The following SRC variants were observed in gnomAD, a reference collection of about 807,000 sequenced individuals.
SRC encodes the protein SRC proto-oncogene, non-receptor tyrosine kinase.
A neutral mutation model predicts 62.9 loss-of-function variants in SRC; 13 were observed. That is an observed-to-expected ratio of 0.21 (90% CI 0.13 to 0.33). SRC has a LOEUF of 0.33. Ranked by LOEUF, SRC falls within the 10% of genes least tolerant of loss-of-function variation. SRC has a pLI of 1.00. For missense variants in SRC, 457 were observed against 737.3 expected (o/e 0.62, Z 4.40); for synonymous variants, 302 against 317.5 (o/e 0.95, Z 0.52).
chr20:37,382,135 C>T (rs780575237), intron 2 of SRC, among the ~76,000 whole-genome samples: 5 of 152,176 alleles, frequency 3.3e-5, no homozygotes, highest in South Asian at 4.1e-4. Context: ...AATTCTGGAC[C>T]GATTCCCAGG....
chr20:37,373,265 TACGC>T (rs1174334042), intron 2 of SRC, among the ~76,000 whole-genome samples: 36 of 95,040 alleles, frequency 3.8e-4, no homozygotes, highest in Middle Eastern at 0.011. Context: ...CACATGTACA[TACGC>T]ACACACACAC....
intron 2 of SRC, among the ~76,000 whole-genome samples, chr20:37,379,614 C>G (rs1481473682): frequency 6.6e-6 from 1 of 151,922 alleles, no homozygotes; most frequent in Non-Finnish European, 1.5e-5. Flanking sequence ...ATCCCAGCTA[C>G]TCAGGAGGCT....
intron 10 of SRC, among the ~76,000 whole-genome samples, chr20:37,401,317 G>A (rs1205497796): frequency 1.3e-5 from 2 of 152,084 alleles, no homozygotes; most frequent in African/African-American, 4.8e-5. Context: ...ATGCATCCTT[G>A]TTGCATCTCC....
rs968442415 is a variant in SRC, at chr20:37,384,799, C to T, written c.250+396C>T. ...GCGGCGGAGGGGCAGCTGGGTCGCT[C>T]GGGGAACGGGGCACCGGATGGCCCC... On this transcript the variant is annotated intron_variant, in intron 4 of 13. Coordinates refer to ENST00000373578, the MANE Select transcript of SRC (RefSeq NM_198291.3). The surrounding 1 kb of genome is among the most constrained non-coding windows in gnomAD (Gnocchi z 6.7). 6.6e-6 allele frequency among the ~76,000 whole-genome samples: 1 copy of T among 152,162 alleles called. No individual in the cohort carries two copies. The highest frequency in any genetic ancestry group is 2.4e-5 in the African/African-American group (1 of 41,450).
chr20:37,393,428 AGAG>A (rs2070585909), intron 5 of SRC, among the ~76,000 whole-genome samples: 1 of 152,224 alleles, frequency 6.6e-6, no homozygotes, highest in Non-Finnish European at 1.5e-5. Flanking sequence ...TCCAAATCTC[AGAG>A]CATGGGGACA....
At chr20:37,391,158 C>T (rs1162697082) in intron 5 of SRC, among the ~76,000 whole-genome samples, 1 of 152,228 alleles carries the variant, frequency 6.6e-6, no homozygotes, top group East Asian at 1.9e-4. Context: ...GGCCGGCCAG[C>T]CTGCGGACTG....
At chr20:37,394,919 T>C (rs2070617370) in intron 7 of SRC, among the ~76,000 whole-genome samples, 2 of 152,046 alleles carry the variant, frequency 1.3e-5, no homozygotes, top group African/African-American at 4.8e-5. Flanking sequence ...TCTGGGCGTG[T>C]GTGTGTGTGC....
chr20:37,385,072 T>A (rs1324014336), intron 4 of SRC, among the ~76,000 whole-genome samples: 3 of 151,958 alleles, frequency 2.0e-5, no homozygotes, highest in Non-Finnish European at 4.4e-5. Flanking sequence ...CGCAGACACA[T>A]CCCCAACGCA....
At position 37,358,215 on chromosome 20, in the gene SRC, C is replaced by T. The variant is rs914805604; in HGVS notation, c.-246-6989C>T. On this transcript the variant is annotated intron_variant, in intron 1 of 13. Coordinates refer to ENST00000373578, the MANE Select transcript of SRC (RefSeq NM_198291.3). ...AAGTGCCGAACTGATGTCCTGCATACGCCATGTGTTCAGTAGTTAGTAAGG... is the reference window on the plus strand; with the variant it reads ...AAGTGCCGAACTGATGTCCTGCATATGCCATGTGTTCAGTAGTTAGTAAGG... Among the ~76,000 whole-genome samples, 6 of 152,178 alleles carry T rather than the reference C, an allele frequency of 3.9e-5. 1 individual carries two copies. The highest frequency in any genetic ancestry group is 3.3e-4 in the Admixed American group (5 of 15,286).
chr20:37,364,497 G>A (rs558896837), intron 1 of SRC, among the ~76,000 whole-genome samples: 2 of 152,282 alleles, frequency 1.3e-5, no homozygotes, highest in Admixed American at 1.3e-4. Context: ...CCCGTGATGA[G>A]GGCGTGGCAG....
intron 1 of SRC, among the ~76,000 whole-genome samples, chr20:37,362,132 G>A (rs917182491): frequency 1.8e-4 from 27 of 151,988 alleles, no homozygotes; most frequent in African/African-American, 6.5e-4. Context: ...ATAGCTCACT[G>A]CAGCCTCAAA....
At chr20:37,346,483 CG>C (rs1370356864) in intron 1 of SRC, among the ~76,000 whole-genome samples, 3 of 141,384 alleles carry the variant, frequency 2.1e-5, no homozygotes, top group Non-Finnish European at 4.7e-5. Context: ...GGGGGCTGGG[CG>C]GGGGGGGCGC....
At position 37,393,952 on chromosome 20, in the gene SRC, C is replaced by T. The variant is rs146599430; in HGVS notation, c.408C>T (p.Pro136=). 62 of 1,613,980 alleles carry T rather than the reference C, an allele frequency of 3.8e-5. No individual in the cohort carries two copies. In the African/African-American group the frequency reaches 7.3e-4, roughly 19 times the overall value. ...SLSTGQTGYI[P]SNYVAPSDSI... The stretch of plus-strand genomic sequence containing the variant: ...GCACAGGACAGACAGGCTACATCCC[C>T]AGCAACTACGTGGCGCCCTCCGACT... The change falls in exon 6 of 14, where the codon CCC becomes CCT. Residue 136 remains proline, a synonymous_variant. Transcript: ENST00000373578.
chr20:37,394,091 GC>G, intron 6 of SRC, 82 bp from the exon 7 acceptor site: 2 of 1,541,968 alleles, frequency 1.3e-6, no homozygotes, highest in Non-Finnish European at 1.8e-6. Context: ...GCTGTCCAGC[GC>G]CCCAGCCATA....
chr20:37,379,971 A>G (rs2070342156), intron 2 of SRC, among the ~76,000 whole-genome samples: 1 of 149,132 alleles, frequency 6.7e-6, no homozygotes, highest in South Asian at 2.1e-4. Context: ...AAAAAAAGGA[A>G]AAGAAAAAAG....
At position 37,400,273 on chromosome 20, in the gene SRC, G is replaced by A. The variant is rs867593338; in HGVS notation, c.1018G>A (p.Val340Ile). Residue 340 changes from valine (V) to isoleucine (I), a missense_variant, in exon 10 of 14, where the codon GTC becomes ATC. By Grantham distance (29) the Val-to-Ile change is conservative (BLOSUM62 3). Transcript: ENST00000373578. The stretch of plus-strand genomic sequence containing the variant: ...GGTTTCAGAGGAGCCCATTTACATC[G>A]TCACGGAGTACATGAGCAAGGGTGA... The part of the protein sequence containing the change: ...AVVSEEPIYI[V>I]TEYMSKGSLL... 6.8e-6 allele frequency: 11 copies of A among 1,613,054 alleles called. No individual in the cohort carries two copies. The highest frequency in any genetic ancestry group is 4.0e-5 in the African/African-American group (3 of 74,898).
Position 37,396,114 on chromosome 20 carries a change from G to A in SRC, c.554-48G>A, listed in dbSNP as rs180818054. On this transcript the variant is annotated intron_variant, in intron 7 of 13. Coordinates refer to ENST00000373578, the MANE Select transcript of SRC (RefSeq NM_198291.3). The surrounding 1 kb of genome is among the most constrained non-coding windows in gnomAD (Gnocchi z 6.1). ...AGAACGGTGTCCAGAGCAGCGGCCT[G>A]CGGGGGGAGAGGGCATGGCGGTCAC... The A allele has an allele frequency of 1.3e-6, 2 of 1,597,882 alleles. No individual in the cohort carries two copies. The highest frequency in any genetic ancestry group is 1.7e-6 in the Non-Finnish European group (2 of 1,174,404).
chr20:37,400,404 A>C, intron 10 of SRC, 110 bp downstream of exon 10: 1 of 990,364 alleles, frequency 1.0e-6, no homozygotes, highest in South Asian at 2.0e-5. Flanking sequence ...GGTGGAATGC[A>C]GTAGAGCCAA....
chr20:37,373,321 CACACAT>C (rs1568628431), intron 2 of SRC, among the ~76,000 whole-genome samples: 2 of 149,920 alleles, frequency 1.3e-5, no homozygotes, highest in African/African-American at 5.0e-5. Flanking sequence ...TACATATGTA[CACACAT>C]ACACACATGT....
Sources: gnomAD v4.1 joint callset for allele counts (sites outside exome capture counted in the v4.1 genomes callset) on GRCh38, gnomAD v4.1.1 for gene constraint, Gnocchi (gnomAD v3.1) non-coding constraint, MANE v1.5 for transcripts, NCBI Gene and HGNC (gene_info 2026-07-23, HGNC 2026-07-21) for gene names.